LRMDA: variants seen among roughly 807,000 people sequenced by gnomAD.
LRMDA encodes leucine rich melanocyte differentiation associated, also known as leucine-rich melanocyte differentiation-associated protein.
A neutral mutation model predicts 29.8 loss-of-function variants in LRMDA; 18 were observed. That is an observed-to-expected ratio of 0.60 (90% CI 0.42 to 0.90). LRMDA has a LOEUF of 0.90. Ranked by LOEUF, LRMDA falls within the 40% of genes least tolerant of loss-of-function variation. The probability of loss-of-function intolerance (pLI) is 0.00; values close to 1 mark genes in which losing one functional copy is unlikely to be tolerated. For missense variants in LRMDA, 273 were observed against 273.9 expected (o/e 1.00, Z 0.02); for synonymous variants, 125 against 109.4 (o/e 1.14, Z -0.89).
chr10:75,635,710 C>T (rs1841383368), intron 2 of LRMDA, among the ~76,000 whole-genome samples: 2 of 152,056 alleles, frequency 1.3e-5, no homozygotes, highest in South Asian at 4.2e-4. Context: ...AGGATGCCCA[C>T]ACTTATTTTC....
intron 2 of LRMDA, among the ~76,000 whole-genome samples, chr10:75,900,995 T>G: frequency 6.6e-6 from 1 of 152,168 alleles, no homozygotes; most frequent in African/African-American, 2.4e-5. Context: ...GAGTATTTAT[T>G]TGATCCCCTA....
intron 2 of LRMDA, among the ~76,000 whole-genome samples, chr10:75,916,186 GT>G (rs879494958): frequency 0.098 from 13,227 of 134,714 alleles, 677 homozygotes; most frequent in Middle Eastern, 0.17. Context: ...GTGTGTGTGT[GT>G]GTGTGTGTGG....
intron 2 of LRMDA, among the ~76,000 whole-genome samples, chr10:75,507,844 G>A (rs1030515247): frequency 1.1e-4 from 17 of 152,258 alleles, no homozygotes; most frequent in African/African-American, 2.9e-4. Flanking sequence ...GGCACAGAAG[G>A]TTCCCTTTAA....
At chr10:75,684,212 T>C (rs1842056848) in intron 2 of LRMDA, among the ~76,000 whole-genome samples, 1 of 152,198 alleles carries the variant, frequency 6.6e-6, no homozygotes, top group Non-Finnish European at 1.5e-5. Flanking sequence ...AATGGTAAAA[T>C]AGATTCACAT....
intron 5 of LRMDA, among the ~76,000 whole-genome samples, chr10:76,149,737 T>C (rs768374694): frequency 2.6e-5 from 4 of 152,200 alleles, no homozygotes; most frequent in Non-Finnish European, 4.4e-5. Context: ...TTCACTGCTA[T>C]AGTTCTTGAA....
At position 75,843,145 on chromosome 10, in the gene LRMDA, GA is replaced by G. The variant is rs900784584; in HGVS notation, c.132-192856del. Among the ~76,000 whole-genome samples the G allele has an allele frequency of 3.3e-5, 5 of 152,168 alleles. No individual in the cohort carries two copies. The South Asian group carries it at 6.2e-4, about 19-fold the overall frequency. ...TCCTTGGGCCTGGCACAATGCCTGG[GA>G]AAAAAATAGGCTTTTAAGAATGTTT... On this transcript the variant is annotated intron_variant, in intron 2 of 6. Transcript: ENST00000611255.
At position 75,500,152 on chromosome 10, in the gene LRMDA, C is replaced by G. The variant is rs539970438; in HGVS notation, c.131+61658C>G. Among the ~76,000 whole-genome samples the G allele has an allele frequency of 9.2e-5, 14 of 152,184 alleles. No homozygotes were observed. The East Asian group carries it at 9.7e-4, about 11-fold the overall frequency. ...CTGACTGAGGTAGGGGGCTGGAGAC[C>G]ATCCTGATTGAACCCCTGTTGCTCC... On this transcript the variant is annotated intron_variant, in intron 2 of 6. Transcript: ENST00000611255.
At chr10:76,070,022 C>T (rs1216824821) in intron 5 of LRMDA, among the ~76,000 whole-genome samples, 1 of 152,194 alleles carries the variant, frequency 6.6e-6, no homozygotes, top group East Asian at 1.9e-4. Context: ...AAAGGCTGGA[C>T]TTCTACCTCC....
chr10:76,338,396 A>T (rs1037094382), intron 6 of LRMDA, among the ~76,000 whole-genome samples: 5 of 151,268 alleles, frequency 3.3e-5, no homozygotes, highest in Admixed American at 2.0e-4. Flanking sequence ...AAATAAATAA[A>T]TAATAAATAA....
intron 2 of LRMDA, among the ~76,000 whole-genome samples, chr10:75,848,046 C>G (rs868484219): frequency 6.6e-6 from 1 of 152,142 alleles, no homozygotes; most frequent in Non-Finnish European, 1.5e-5. Flanking sequence ...TATGATCTAG[C>G]ACTCTCACTT....
At chr10:76,082,006 C>T (rs1462060759) in intron 5 of LRMDA, among the ~76,000 whole-genome samples, 3 of 152,150 alleles carry the variant, frequency 2.0e-5, no homozygotes, top group African/African-American at 7.2e-5. Context: ...AATTCCAAAT[C>T]CTCATCCTTC....
At chr10:76,185,497 A>T (rs1378237949) in intron 5 of LRMDA, among the ~76,000 whole-genome samples, 1 of 152,222 alleles carries the variant, frequency 6.6e-6, no homozygotes, top group Non-Finnish European at 1.5e-5. Flanking sequence ...TATACTGCAA[A>T]GCCTTGCACA....
At chr10:76,284,844 G>T (rs995789093) in intron 5 of LRMDA, among the ~76,000 whole-genome samples, 4 of 152,116 alleles carry the variant, frequency 2.6e-5, no homozygotes, top group Non-Finnish European at 5.9e-5. Context: ...CAGTTCCCCT[G>T]CACATGCTTT....
At chr10:75,695,932 T>C (rs1192045858) in intron 2 of LRMDA, among the ~76,000 whole-genome samples, 1 of 152,170 alleles carries the variant, frequency 6.6e-6, no homozygotes, top group African/African-American at 2.4e-5. Flanking sequence ...GTTGGTGGAA[T>C]AATGGACATA....
intron 2 of LRMDA, among the ~76,000 whole-genome samples, chr10:75,819,831 C>A (rs1445724976): frequency 3.9e-5 from 6 of 151,998 alleles, no homozygotes; most frequent in Non-Finnish European, 8.8e-5. Flanking sequence ...CTGCTAGTAG[C>A]CATATGTGAC....
chr10:75,734,167 T>G lies in LRMDA; in HGVS notation c.131+295673T>G, dbSNP rs542035155. Among the ~76,000 whole-genome samples the G allele has an allele frequency of 3.3e-4, 50 of 152,270 alleles. 1 individual carries two copies. The South Asian group carries it at 9.1e-3, about 28-fold the overall frequency. On this transcript the variant is annotated intron_variant, in intron 2 of 6. Transcript: ENST00000611255. ...TGGTCTTCTAACTCTCCTGCTTGCT[T>G]CAAGTGTTATATGTGGTTTGCCAGG... is the stretch of plus-strand genomic sequence containing the variant.
At chr10:76,202,292 TCC>T (rs1032410260) in intron 5 of LRMDA, among the ~76,000 whole-genome samples, 13 of 152,238 alleles carry the variant, frequency 8.5e-5, no homozygotes, top group Non-Finnish European at 1.9e-4. Flanking sequence ...TTCCTTTCCT[TCC>T]AAACTTTTTG....
At chr10:76,537,348 C>A (rs1045048822) in intron 6 of LRMDA, among the ~76,000 whole-genome samples, 4 of 152,220 alleles carry the variant, frequency 2.6e-5, no homozygotes, top group African/African-American at 9.6e-5. Flanking sequence ...ATATTTTAAT[C>A]ATAATTTCTT....
At chr10:76,321,007 T>G (rs1195198929) in intron 5 of LRMDA, among the ~76,000 whole-genome samples, 1 of 152,224 alleles carries the variant, frequency 6.6e-6, no homozygotes, top group Non-Finnish European at 1.5e-5. Context: ...AAGCAAGATA[T>G]AGAAATCAGG....
Sources: allele counts gnomAD v4.1 joint callset (sites outside exome capture counted in the v4.1 genomes callset), GRCh38; gene constraint gnomAD v4.1.1; transcripts MANE v1.5; gene names NCBI Gene and HGNC (gene_info 2026-07-23, HGNC 2026-07-21).